GALNTL6: variants seen among roughly 807,000 people sequenced by gnomAD.
GALNTL6 encodes the protein polypeptide N-acetylgalactosaminyltransferase-like 6.
GALNTL6 carries 46 observed loss-of-function variants against 73.7 expected under a neutral mutation model. The ratio of observed to expected loss-of-function variants is 0.62; its 90% CI spans 0.49 to 0.80. GALNTL6 has a LOEUF of 0.80. GALNTL6 is among the 30% of genes least tolerant of loss of function. The pLI is 0.00. For missense variants in GALNTL6, 604 were observed against 755.0 expected (o/e 0.80, Z 2.34); for synonymous variants, 259 against 263.7 (o/e 0.98, Z 0.17).
chr4:172,326,104 C>A (rs560087148), intron 4 of GALNTL6, among the ~76,000 whole-genome samples: 1 of 151,824 alleles, frequency 6.6e-6, no homozygotes, highest in South Asian at 2.1e-4. Flanking sequence ...AATTCATGCA[C>A]TGAAAAGGAG....
At chr4:172,324,138 CATG>C (rs1406159692) in intron 4 of GALNTL6, among the ~76,000 whole-genome samples, 1 of 151,830 alleles carries the variant, frequency 6.6e-6, no homozygotes, top group Non-Finnish European at 1.5e-5. Flanking sequence ...TCATATTTTA[CATG>C]ATGTGTGTGT....
intron 4 of GALNTL6, among the ~76,000 whole-genome samples, chr4:172,317,208 T>C (rs1474812012): frequency 6.6e-6 from 1 of 152,238 alleles, no homozygotes; most frequent in East Asian, 1.9e-4. Flanking sequence ...TTCAGTGCCT[T>C]ATATTCTAAA....
In GALNTL6 at chr4:172,125,775, A is replaced by C. The variant is rs546999102; in HGVS notation, c.139-103881A>C. Among the ~76,000 whole-genome samples, 3 of 152,226 alleles carry C rather than the reference A, an allele frequency of 2.0e-5. No homozygotes were observed. In the South Asian group the frequency reaches 6.2e-4, roughly 32 times the overall value. On this transcript the variant is annotated intron_variant, in intron 2 of 12. Transcript: ENST00000506823. The stretch of plus-strand genomic sequence containing the variant: ...TTGTTTTTAATCTACCTTACCAAAA[A>C]TGCATTTTCATATGTATAACTTTCT...
intron 5 of GALNTL6, among the ~76,000 whole-genome samples, chr4:172,595,663 T>C (rs929303255): frequency 2.0e-5 from 3 of 152,186 alleles, no homozygotes; most frequent in Non-Finnish European, 4.4e-5. Flanking sequence ...CGGTGATGAG[T>C]AATTTCAATG....
chr4:172,737,933 GGA>G (rs1736568236), intron 5 of GALNTL6, among the ~76,000 whole-genome samples: 1 of 152,104 alleles, frequency 6.6e-6, no homozygotes, highest in East Asian at 1.9e-4. Flanking sequence ...CTTGGCTAGG[GGA>G]TTATAAAGAG....
At chr4:172,927,249 A>G (rs1186692376) in intron 8 of GALNTL6, among the ~76,000 whole-genome samples, 1 of 152,224 alleles carries the variant, frequency 6.6e-6, no homozygotes, top group African/African-American at 2.4e-5. Context: ...TCAAGAAACA[A>G]TTACATAGTC....
At chr4:172,195,915 A>G (rs1042363959) in intron 2 of GALNTL6, among the ~76,000 whole-genome samples, 1 of 152,100 alleles carries the variant, frequency 6.6e-6, no homozygotes, top group African/African-American at 2.4e-5. Flanking sequence ...CAAAACTAGC[A>G]GAAGACAAGA....
chr4:171,914,142 G>A (rs1315499931), intron 2 of GALNTL6, among the ~76,000 whole-genome samples: 4 of 152,012 alleles, frequency 2.6e-5, no homozygotes, highest in Non-Finnish European at 4.4e-5. Context: ...GACTGTAAAG[G>A]TCCCCCACAC....
intron 5 of GALNTL6, among the ~76,000 whole-genome samples, chr4:172,678,283 A>C (rs926064732): frequency 1.3e-5 from 2 of 150,238 alleles, no homozygotes; most frequent in Non-Finnish European, 3.0e-5. Context: ...TTCTGAGAAA[A>C]ATAAATTCTC....
In GALNTL6 at chr4:172,575,596, G is replaced by C. The variant is rs567606346; in HGVS notation, c.553+226907G>C. Among the ~76,000 whole-genome samples the C allele has an allele frequency of 2.0e-5, 3 of 152,308 alleles. No individual in the cohort carries two copies. The East Asian group carries it at 5.8e-4, about 29-fold the overall frequency. ...GCTGTGAGAAGGTCTTAACCTCTAT[G>C]AAATCTGGATCTGTTTAAAAGTCAT... On this transcript the variant is annotated intron_variant, in intron 5 of 12. Transcript: ENST00000506823.
At chr4:171,998,328 A>C (rs1301934787) in intron 2 of GALNTL6, among the ~76,000 whole-genome samples, 1 of 152,130 alleles carries the variant, frequency 6.6e-6, no homozygotes, top group Admixed American at 6.6e-5. Flanking sequence ...TGAGTCAAAA[A>C]TCAAGGTGCT....
intron 5 of GALNTL6, among the ~76,000 whole-genome samples, chr4:172,455,475 C>T (rs994328074): frequency 2.0e-5 from 3 of 152,168 alleles, no homozygotes; most frequent in Non-Finnish European, 2.9e-5. Flanking sequence ...ATTCTTGCTG[C>T]GAGCACAGCA....
At chr4:172,374,429 T>G (rs1742948418) in intron 5 of GALNTL6, among the ~76,000 whole-genome samples, 2 of 152,180 alleles carry the variant, frequency 1.3e-5, no homozygotes, top group Admixed American at 1.3e-4. Context: ...GGTAATAAAC[T>G]TATCTTTTAG....
At chr4:172,608,917 C>G (rs950978834) in intron 5 of GALNTL6, among the ~76,000 whole-genome samples, 1 of 151,998 alleles carries the variant, frequency 6.6e-6, no homozygotes, top group African/African-American at 2.4e-5. Context: ...CTTAATTTGG[C>G]TCTCAGCTTG....
Position 172,955,890 on chromosome 4 carries a change from T to A in GALNTL6, c.1371+3632T>A, listed in dbSNP as rs1441052917. Among the ~76,000 whole-genome samples, 3 of 152,132 alleles carry A rather than the reference T, an allele frequency of 2.0e-5. No individual in the cohort carries two copies. The South Asian group carries it at 6.2e-4, about 32-fold the overall frequency. ...CAGTGGGGGATCTTCTGAGCCAGGA[T>A]GAGCCAGGAAAATGAATTTCACAAG... On this transcript the variant is annotated intron_variant, in intron 10 of 12. Coordinates refer to ENST00000506823, the MANE Select transcript of GALNTL6 (RefSeq NM_001034845.3).
At chr4:172,583,394 C>T (rs994047903) in intron 5 of GALNTL6, among the ~76,000 whole-genome samples, 3 of 152,104 alleles carry the variant, frequency 2.0e-5, no homozygotes, top group Admixed American at 6.5e-5. Context: ...GTGTACCAGG[C>T]TTTGTGCTAG....
chr4:172,837,451 A>AT (rs1246418693), intron 7 of GALNTL6, among the ~76,000 whole-genome samples: 2 of 152,228 alleles, frequency 1.3e-5, no homozygotes, highest in Non-Finnish European at 2.9e-5. Context: ...GAAAGAAGGT[A>AT]AAAAACAGTG....
At chr4:171,822,960 A>C in intron 2 of GALNTL6, among the ~76,000 whole-genome samples, 1 of 152,268 alleles carries the variant, frequency 6.6e-6, no homozygotes, top group African/African-American at 2.4e-5. Flanking sequence ...TCGTCCACCA[A>C]ATTCATTGAC....
chr4:171,998,879 G>C (rs188967731), intron 2 of GALNTL6, among the ~76,000 whole-genome samples: 5 of 152,198 alleles, frequency 3.3e-5, no homozygotes, highest in Admixed American at 2.0e-4. Context: ...CCCTGGCTCC[G>C]ATCCTTAGTG....
Sources: gnomAD v4.1 joint callset for allele counts (sites outside exome capture counted in the v4.1 genomes callset) on GRCh38, gnomAD v4.1.1 for gene constraint, MANE v1.5 for transcripts, NCBI Gene and HGNC (gene_info 2026-07-23, HGNC 2026-07-21) for gene names.